DENND1B: variants seen among roughly 807,000 people sequenced by gnomAD.
DENND1B encodes DENN domain containing 1B, also known as DENN domain-containing protein 1B.
DENND1B carries 59 observed loss-of-function variants against 90.1 expected under a neutral mutation model. That is an observed-to-expected ratio of 0.65 (90% CI 0.53 to 0.81). The LOEUF (loss-of-function observed/expected upper bound fraction) is 0.81, where lower values mean the gene tolerates loss of function less well. Ranked by LOEUF, DENND1B falls within the 40% of genes least tolerant of loss-of-function variation. The pLI is 0.00. For missense variants in DENND1B, 862 were observed against 912.6 expected (o/e 0.94, Z 0.71); for synonymous variants, 337 against 324.6 (o/e 1.04, Z -0.41).
intron 9 of DENND1B, among the ~76,000 whole-genome samples, chr1:197,644,475 T>C (rs867737125): frequency 6.6e-6 from 1 of 152,044 alleles, no homozygotes; most frequent in Middle Eastern, 3.2e-3. Context: ...GGAGAGAGAG[T>C]AGACGGAAGC....
intron 20 of DENND1B, among the ~76,000 whole-genome samples, chr1:197,526,783 G>T (rs1669163426): frequency 6.6e-6 from 1 of 152,140 alleles, no homozygotes; most frequent in African/African-American, 2.4e-5. Flanking sequence ...GCAAGTTATT[G>T]AAAGGAGCTG....
intron 18 of DENND1B, 141 bp from the exon 19 acceptor site, chr1:197,541,156 T>C (rs1339184968): frequency 1.2e-5 from 9 of 771,180 alleles, no homozygotes; most frequent in Admixed American, 2.8e-5. Flanking sequence ...TAACATTCTA[T>C]TTTCAGGGAT....
At chr1:197,757,195 T>A (rs193279357) in intron 2 of DENND1B, 1 of 152,206 alleles carries the variant, frequency 6.6e-6, no homozygotes, top group Admixed American at 6.5e-5. Context: ...AAAAGGAGGA[T>A]CATAACTTTT....
At chr1:197,724,779 T>C (rs1661479981) in intron 2 of DENND1B, among the ~76,000 whole-genome samples, 2 of 152,050 alleles carry the variant, frequency 1.3e-5, no homozygotes, top group Admixed American at 1.3e-4. Flanking sequence ...ACTAGCAAAT[T>C]TTGAAAACTA....
chr1:197,565,345 T>G (rs1672538589), intron 15 of DENND1B, among the ~76,000 whole-genome samples: 1 of 152,066 alleles, frequency 6.6e-6, no homozygotes, highest in Non-Finnish European at 1.5e-5. Flanking sequence ...ACAGAGCAAG[T>G]GCTCAGGATC....
intron 10 of DENND1B, among the ~76,000 whole-genome samples, chr1:197,635,958 A>C (rs1039924595): frequency 3.3e-5 from 5 of 151,680 alleles, no homozygotes; most frequent in African/African-American, 1.2e-4. Flanking sequence ...CATTGTAGTG[A>C]CTGACTGAAC....
intron 15 of DENND1B, among the ~76,000 whole-genome samples, chr1:197,571,233 T>A (rs926043681): frequency 1.4e-5 from 2 of 141,688 alleles, no homozygotes; most frequent in Admixed American, 7.2e-5. Flanking sequence ...AAAATACAGA[T>A]CAGATCCAAT....
At chr1:197,627,678 G>A (rs61829320) in intron 10 of DENND1B, among the ~76,000 whole-genome samples, 1 of 152,106 alleles carries the variant, frequency 6.6e-6, no homozygotes, top group African/African-American at 2.4e-5. Flanking sequence ...GTTCTGGCCA[G>A]GGCAATTAGG....
At chr1:197,722,251 T>G (rs1571501386) in intron 2 of DENND1B, among the ~76,000 whole-genome samples, 1 of 152,158 alleles carries the variant, frequency 6.6e-6, no homozygotes, top group Admixed American at 6.5e-5. Flanking sequence ...ATAGAAACTT[T>G]GTATTTTCTG....
intron 10 of DENND1B, among the ~76,000 whole-genome samples, chr1:197,636,306 A>C (rs551544574): frequency 3.3e-5 from 5 of 152,340 alleles, no homozygotes; most frequent in Non-Finnish European, 7.3e-5. Context: ...TAGACCTGCA[A>C]AGACGAGGAA....
intron 15 of DENND1B, among the ~76,000 whole-genome samples, chr1:197,563,821 T>C (rs1024640236): frequency 6.6e-6 from 1 of 151,968 alleles, no homozygotes; most frequent in African/African-American, 2.4e-5. Context: ...AGAACATTCA[T>C]GATTCATAGG....
At chr1:197,653,756 C>G (rs1034726207) in intron 6 of DENND1B, among the ~76,000 whole-genome samples, 6 of 151,726 alleles carry the variant, frequency 4.0e-5, no homozygotes, top group African/African-American at 1.5e-4. Context: ...AAGATACACA[C>G]TATGGAGATA....
chr1:197,508,136 T>G lies in DENND1B; in HGVS notation c.*2324A>C, dbSNP rs181651927. The G allele has an allele frequency of 3.3e-5, 5 of 151,672 alleles. No homozygotes were observed. The East Asian group carries it at 7.8e-4, about 24-fold the overall frequency. The allele number at this position is 151,672 out of a possible 1,614,324, so 9.4% of individuals were successfully genotyped here. A position where few individuals can be genotyped will look rare whatever the true frequency, so the allele number is the denominator to read the frequency against. On this transcript the variant is annotated 3_prime_UTR_variant, in exon 23 of 23. Transcript: ENST00000620048. ...AAAGCAAATGGACTAAAAACCAAAT[T>G]TGACCCATGCTACACTCACAGTTGT...
intron 2 of DENND1B, among the ~76,000 whole-genome samples, chr1:197,746,517 T>C (rs1663770954): frequency 6.6e-6 from 1 of 152,216 alleles, no homozygotes; most frequent in Non-Finnish European, 1.5e-5. Context: ...CCTATTTTTC[T>C]ATATTTTTTC....
intron 15 of DENND1B, among the ~76,000 whole-genome samples, chr1:197,560,575 A>G (rs1159948691): frequency 1.3e-5 from 2 of 151,990 alleles, no homozygotes; most frequent in East Asian, 1.9e-4. Flanking sequence ...ATGGGAAAAG[A>G]GGATTCCAGG....
At chr1:197,558,052 A>C (rs531756067) in intron 15 of DENND1B, among the ~76,000 whole-genome samples, 77 of 152,032 alleles carry the variant, frequency 5.1e-4, no homozygotes, top group Admixed American at 3.0e-3. Context: ...TATTATTATA[A>C]GTAATGACAA....
At chr1:197,736,186 C>T (rs961005354) in intron 2 of DENND1B, 7 of 475,946 alleles carry the variant, frequency 1.5e-5, no homozygotes, top group South Asian at 6.6e-5. Flanking sequence ...TACTGCAAAA[C>T]AACCCACTCT....
intron 15 of DENND1B, among the ~76,000 whole-genome samples, chr1:197,574,544 C>T (rs1673479925): frequency 6.6e-6 from 1 of 152,140 alleles, no homozygotes; most frequent in Non-Finnish European, 1.5e-5. Context: ...TCAATGCCAT[C>T]CCCATGAAGC....
At chr1:197,729,793 G>C (rs982815289) in intron 2 of DENND1B, among the ~76,000 whole-genome samples, 5 of 152,046 alleles carry the variant, frequency 3.3e-5, no homozygotes, top group Non-Finnish European at 7.4e-5. Context: ...TTTTGTTTAG[G>C]TGAGTTATAG....
Sources: allele counts gnomAD v4.1 joint callset (sites outside exome capture counted in the v4.1 genomes callset), GRCh38; gene constraint gnomAD v4.1.1; transcripts MANE v1.5; gene names NCBI Gene and HGNC (gene_info 2026-07-23, HGNC 2026-07-21).